The following HDX variants were observed in gnomAD, a reference collection of about 807,000 sequenced individuals.
The protein encoded by HDX is chromosome X open reading frame 43.
HDX carries 19 observed loss-of-function variants against 45.2 expected under a neutral mutation model. The ratio of observed to expected loss-of-function variants is 0.42; its 90% confidence interval spans 0.29 to 0.62. The LOEUF (loss-of-function observed/expected upper bound fraction) is 0.62, where lower values mean the gene tolerates loss of function less well. Ranked by LOEUF, HDX falls within the 20% of genes least tolerant of loss-of-function variation. The probability of loss-of-function intolerance (pLI) is 0.20; values close to 1 mark genes in which losing one functional copy is unlikely to be tolerated. For synonymous variants in HDX, 188 were observed against 172.8 expected, an observed-to-expected ratio of 1.09 and a Z score of -0.69; for missense variants, 532 against 493.9, an observed-to-expected ratio of 1.08 and a Z score of -0.73.
intron 3 of HDX, 137 bp downstream of exon 3, chrX:84,475,114 A>C (rs1372482297): frequency 1.1e-5 from 5 of 468,839 alleles, no homozygotes; most frequent in Non-Finnish European, 1.4e-5. Context: ...TTATTTTTAA[A>C]ATAGTATTGT....
chrX:84,392,939 A>G (rs757473494), intron 5 of HDX, among the ~76,000 whole-genome samples: 1 of 107,986 alleles, frequency 9.3e-6, no homozygotes, highest in East Asian at 2.9e-4. Flanking sequence ...ATCTGTAAAC[A>G]GGGATAGTTG....
At chrX:84,391,492 G>A (rs1366161656) in intron 5 of HDX, among the ~76,000 whole-genome samples, 1 of 47,945 alleles carries the variant, frequency 2.1e-5, no homozygotes, top group Non-Finnish European at 4.2e-5. Flanking sequence ...TTATGTGGGA[G>A]TGCTGCTATT....
intron 1 of HDX, among the ~76,000 whole-genome samples, chrX:84,490,575 A>G (rs1280586292): frequency 1.8e-5 from 2 of 111,516 alleles, no homozygotes; most frequent in South Asian, 3.7e-4. Context: ...ATGTATGTTA[A>G]AATTTCAATT....
At chrX:84,405,360 G>A (rs2038794189) in intron 5 of HDX, among the ~76,000 whole-genome samples, 1 of 110,401 alleles carries the variant, frequency 9.1e-6, no homozygotes, top group South Asian at 3.7e-4. Flanking sequence ...TTAAATGTGT[G>A]TATATACTAG....
At chrX:84,437,616 G>C (rs1045535164) in intron 5 of HDX, among the ~76,000 whole-genome samples, 1 of 110,582 alleles carries the variant, frequency 9.0e-6, no homozygotes, top group Admixed American at 9.7e-5. Flanking sequence ...CACCTAAGAG[G>C]ACAGAAGGAG....
At chrX:84,356,053 T>G (rs2037473367) in intron 6 of HDX, among the ~76,000 whole-genome samples, 1 of 110,428 alleles carries the variant, frequency 9.1e-6, no homozygotes, top group African/African-American at 3.3e-5. Context: ...GTATACCAAG[T>G]TTGCTTCCTA....
intron 5 of HDX, among the ~76,000 whole-genome samples, chrX:84,379,057 C>A (rs1225646299): frequency 9.1e-6 from 1 of 109,712 alleles, no homozygotes; most frequent in East Asian, 2.8e-4. Flanking sequence ...TAAGAAGAAA[C>A]AAAGAAGGTC....
chrX:84,383,466 A>G (rs971575374), intron 5 of HDX, among the ~76,000 whole-genome samples: 2 of 111,687 alleles, frequency 1.8e-5, no homozygotes, highest in Non-Finnish European at 3.8e-5. Context: ...GTCATTTTAT[A>G]TTAATGCGCA....
chrX:84,375,322 T>C (rs1162520200), intron 5 of HDX, among the ~76,000 whole-genome samples: 2 of 110,820 alleles, frequency 1.8e-5, no homozygotes, highest in Non-Finnish European at 3.8e-5. Context: ...TCAACCATAG[T>C]GGAAGTCAGT....
intron 1 of HDX, among the ~76,000 whole-genome samples, chrX:84,500,665 T>C (rs1414159470): frequency 6.3e-5 from 7 of 111,320 alleles, no homozygotes; most frequent in African/African-American, 1.3e-4. Flanking sequence ...GTGAATTATG[T>C]AGAAGGAGGA....
chrX:84,335,792 C>G (rs775057212), intron 8 of HDX, among the ~76,000 whole-genome samples: 3 of 110,947 alleles, frequency 2.7e-5, no homozygotes, highest in Non-Finnish European at 3.8e-5. Context: ...TTGACTTCAA[C>G]CAGGACTCAA....
intron 5 of HDX, among the ~76,000 whole-genome samples, chrX:84,363,249 T>C (rs1267264593): frequency 8.9e-6 from 1 of 112,166 alleles, no homozygotes; most frequent in Non-Finnish European, 1.9e-5. Flanking sequence ...TCAGCCAACA[T>C]TGATTGCACA....
chrX:84,487,602 A>C (rs753877033), intron 2 of HDX, among the ~76,000 whole-genome samples: 1 of 111,578 alleles, frequency 9.0e-6, no homozygotes, highest in East Asian at 2.8e-4. Flanking sequence ...TCTGCTATCT[A>C]TTTCGAATCT....
chrX:84,361,363 C>T, intron 6 of HDX, 103 bp downstream of exon 6: 1 of 650,093 alleles, frequency 1.5e-6, no homozygotes, highest in Non-Finnish European at 2.3e-6. Flanking sequence ...GTTATCTTTT[C>T]ACTTTATTGC....
chrX:84,495,925 T>A (rs1165142738), intron 1 of HDX, among the ~76,000 whole-genome samples: 1 of 111,667 alleles, frequency 9.0e-6, no homozygotes. Flanking sequence ...TCTAGGGCAA[T>A]AATTTTGTGG....
intron 4 of HDX, among the ~76,000 whole-genome samples, chrX:84,464,610 C>A (rs772185291): frequency 1.8e-5 from 2 of 111,514 alleles, no homozygotes; most frequent in East Asian, 5.6e-4. Context: ...TGTTGGGAAA[C>A]CTGGCTAGCC....
chrX:84,419,043 G>A (rs2039183761), intron 5 of HDX, among the ~76,000 whole-genome samples: 1 of 112,008 alleles, frequency 8.9e-6, no homozygotes, highest in African/African-American at 3.2e-5. Context: ...GGCCAGAAAA[G>A]AATATGTTGC....
In HDX at chrX:84,334,792, A is replaced by T. The variant is rs1040681663; in HGVS notation, c.1741-950T>A. ...CCCTGCCAACCCAAAGAAAATTTTTAAAGAGGAAAAACTAAGCTATATTCA... is the reference window on the plus strand; with the variant it reads ...CCCTGCCAACCCAAAGAAAATTTTTTAAGAGGAAAAACTAAGCTATATTCA... On this transcript the variant is annotated intron_variant, in intron 8 of 10. Coordinates refer to ENST00000373177, the MANE Select transcript of HDX (RefSeq NM_001177479.2). Among the ~76,000 whole-genome samples, 5 of 111,084 alleles carry T rather than the reference A, an allele frequency of 4.5e-5. No homozygotes were observed. In the East Asian group the frequency reaches 8.5e-4, roughly 19 times the overall value.
intron 2 of HDX, among the ~76,000 whole-genome samples, chrX:84,476,544 CAAAAAAA>C (rs376973856): frequency 2.6e-5 from 1 of 38,063 alleles, no homozygotes; most frequent in Non-Finnish European, 4.9e-5. Flanking sequence ...AACTCTGTCT[CAAAAAAA>C]AAAAAAAAAA....
Sources: gnomAD v4.1 joint callset for allele counts (sites outside exome capture counted in the v4.1 genomes callset) on GRCh38, gnomAD v4.1.1 for gene constraint, MANE v1.5 for transcripts, NCBI Gene and HGNC (gene_info 2026-07-23, HGNC 2026-07-21) for gene names.